ATP9B: variants seen among roughly 807,000 people sequenced by gnomAD.
ATP9B encodes probable phospholipid-transporting ATPase IIB.
ATP9B carries 110 observed loss-of-function variants against 146.1 expected under a neutral mutation model. The observed-to-expected ratio is 0.75, with a 90% CI of 0.65 to 0.88. ATP9B has a LOEUF of 0.88. ATP9B is among the 40% of genes least tolerant of loss of function. The probability of loss-of-function intolerance (pLI) is 0.00; values close to 1 mark genes in which losing one functional copy is unlikely to be tolerated. For synonymous variants in ATP9B, 604 were observed against 569.7 expected, an observed-to-expected ratio of 1.06 and a Z score of -0.86; for missense variants, 1,499 against 1,496.4, an observed-to-expected ratio of 1.00 and a Z score of -0.03.
chr18:79,348,978 C>T (rs1210202444), intron 25 of ATP9B, among the ~76,000 whole-genome samples: 1 of 152,162 alleles, frequency 6.6e-6, no homozygotes, highest in Non-Finnish European at 1.5e-5. Context: ...AGTCAGACTC[C>T]ATCTCAAAAA....
chr18:79,216,588 A>G (rs1008445837), intron 11 of ATP9B, among the ~76,000 whole-genome samples: 6 of 152,184 alleles, frequency 3.9e-5, no homozygotes, highest in African/African-American at 1.4e-4. Flanking sequence ...AGAAATGGTC[A>G]TTTTGTAACT....
Position 79,359,353 on chromosome 18 carries a change from G to A in ATP9B, c.2904-1G>A. ...ATTGCACTCCGCTCTTGGTCTTGCAGGTATGCCACCATATACACCATGTTC... is the reference window on the plus strand; with the variant it reads ...ATTGCACTCCGCTCTTGGTCTTGCAAGTATGCCACCATATACACCATGTTC... On this transcript the variant is annotated splice_acceptor_variant, in intron 25 of 29. Transcript: ENST00000426216. LOFTEE classifies it high-confidence loss of function. The A allele has an allele frequency of 6.2e-7, 1 of 1,611,294 alleles. No individual in the cohort carries two copies. Among genetic ancestry groups the A allele is most frequent in the Non-Finnish European group, 8.5e-7 (1 of 1,177,576 alleles).
At chr18:79,303,952 T>C (rs992115721) in intron 14 of ATP9B, among the ~76,000 whole-genome samples, 2 of 152,190 alleles carry the variant, frequency 1.3e-5, no homozygotes, top group African/African-American at 4.8e-5. Flanking sequence ...CATATCACAT[T>C]TTACTAGTGA....
chr18:79,134,892 C>T (rs2094430160), intron 5 of ATP9B, among the ~76,000 whole-genome samples: 1 of 152,158 alleles, frequency 6.6e-6, no homozygotes, highest in Non-Finnish European at 1.5e-5. Flanking sequence ...GGAAAGTCTA[C>T]TCATTCCCCA....
intron 11 of ATP9B, among the ~76,000 whole-genome samples, chr18:79,248,464 A>G (rs934905845): frequency 2.6e-5 from 4 of 152,178 alleles, no homozygotes; most frequent in African/African-American, 4.8e-5. Context: ...TTTTATAGGA[A>G]TTTCAGTTAG....
At chr18:79,148,869 T>A (rs2094635951) in intron 6 of ATP9B, among the ~76,000 whole-genome samples, 1 of 152,226 alleles carries the variant, frequency 6.6e-6, no homozygotes, top group African/African-American at 2.4e-5. Context: ...TTCAACATCG[T>A]GTCAAGTTAT....
In ATP9B at chr18:79,207,061, G is replaced by A. The variant is rs1164707666; in HGVS notation, c.1030+49G>A. 4 of 1,558,000 alleles carry A rather than the reference G, an allele frequency of 2.6e-6. No individual in the cohort carries two copies. In the South Asian group the frequency reaches 3.4e-5, roughly 13 times the overall value. ...GTGTGATTGCTCCCGGATAGATGAT[G>A]CTTTGTTTTGTCCAGGGACTCCAAA... On this transcript the variant is annotated intron_variant, in intron 10 of 29. Coordinates refer to ENST00000426216, the MANE Select transcript of ATP9B (RefSeq NM_198531.5).
At chr18:79,101,011 C>A (rs968352818) in intron 2 of ATP9B, among the ~76,000 whole-genome samples, 6 of 152,020 alleles carry the variant, frequency 3.9e-5, no homozygotes, top group Non-Finnish European at 7.4e-5. Flanking sequence ...ACAGCCAAAC[C>A]ATATCAGGTT....
At chr18:79,230,201 G>A (rs993371254) in intron 11 of ATP9B, among the ~76,000 whole-genome samples, 6 of 152,156 alleles carry the variant, frequency 3.9e-5, no homozygotes, top group Non-Finnish European at 5.9e-5. Context: ...TTCCTTGGCT[G>A]GAAGTCCTAG....
intron 13 of ATP9B, among the ~76,000 whole-genome samples, chr18:79,289,807 T>C (rs1177330981): frequency 6.6e-6 from 1 of 152,232 alleles, no homozygotes; most frequent in Non-Finnish European, 1.5e-5. Flanking sequence ...ATGTCCTTTC[T>C]GTTTGTTAGT....
chr18:79,270,177 G>A (rs1312009260), intron 12 of ATP9B, among the ~76,000 whole-genome samples: 1 of 152,124 alleles, frequency 6.6e-6, no homozygotes, highest in Non-Finnish European at 1.5e-5. Context: ...AACTAAAAGT[G>A]CTAGCCTTTA....
chr18:79,371,747 T>C (rs1042380187), intron 26 of ATP9B, among the ~76,000 whole-genome samples: 5 of 152,228 alleles, frequency 3.3e-5, no homozygotes, highest in Admixed American at 1.3e-4. Flanking sequence ...CCCTGCTGTC[T>C]TCTGTGTCCC....
At chr18:79,168,510 A>G (rs1270965952) in intron 7 of ATP9B, among the ~76,000 whole-genome samples, 3 of 152,046 alleles carry the variant, frequency 2.0e-5, no homozygotes, top group Non-Finnish European at 4.4e-5. Flanking sequence ...GGACCTAATC[A>G]TGGCACTCTT....
At chr18:79,229,671 T>C (rs1776470245) in intron 11 of ATP9B, among the ~76,000 whole-genome samples, 1 of 152,236 alleles carries the variant, frequency 6.6e-6, no homozygotes, top group South Asian at 2.1e-4. Context: ...TGCGTGTTTC[T>C]AGATGCAAGA....
chr18:79,325,564 G>A (rs945836210), intron 15 of ATP9B, among the ~76,000 whole-genome samples: 1 of 152,166 alleles, frequency 6.6e-6, no homozygotes, highest in Non-Finnish European at 1.5e-5. Flanking sequence ...CTTAACTAGA[G>A]CCTAAAAAAT....
Position 79,337,419 on chromosome 18 carries a change from G to A in ATP9B, c.2253G>A (p.Thr751=), listed in dbSNP as rs747253618. Residue 751 remains threonine, a synonymous_variant, in exon 19 of 30, where the codon ACG becomes ACA. Transcript: ENST00000426216. ...EDQLQADVRP[T]LEMLRNAGIK... ...AGCTGCAGGCAGACGTGCGGCCCAC[G>A]CTGGAGATGCTGCGCAACGCCGGGA... 1.2e-4 allele frequency: 192 copies of A among 1,612,564 alleles called. No individual in the cohort carries two copies. The highest frequency in any genetic ancestry group is 1.5e-4 in the Non-Finnish European group (176 of 1,179,916).
intron 11 of ATP9B, among the ~76,000 whole-genome samples, chr18:79,217,223 T>C (rs946539834): frequency 6.6e-6 from 1 of 152,252 alleles, no homozygotes; most frequent in Non-Finnish European, 1.5e-5. Context: ...CTTGCTGTGT[T>C]GCCCAGGCTG....
intron 7 of ATP9B, among the ~76,000 whole-genome samples, chr18:79,159,842 T>A (rs1192910944): frequency 2.6e-5 from 4 of 152,216 alleles, no homozygotes; most frequent in Non-Finnish European, 5.9e-5. Flanking sequence ...GATTCTGTCC[T>A]AAGCACACCT....
intron 12 of ATP9B, among the ~76,000 whole-genome samples, chr18:79,275,543 G>A: frequency 6.6e-6 from 1 of 152,228 alleles, no homozygotes; most frequent in Non-Finnish European, 1.5e-5. Context: ...CATTTGGCAG[G>A]CAGCAGTTCA....
Sources: allele counts gnomAD v4.1 joint callset (sites outside exome capture counted in the v4.1 genomes callset), GRCh38; gene constraint gnomAD v4.1.1; transcripts MANE v1.5; gene names NCBI Gene and HGNC (gene_info 2026-07-23, HGNC 2026-07-21).